The following THADA variants were observed in gnomAD, a reference collection of about 807,000 sequenced individuals.
The protein encoded by THADA is tRNA (32-2'-O)-methyltransferase regulator THADA.
Under a neutral mutation model 219.8 loss-of-function variants are expected in THADA, and 213 were observed. That is an observed-to-expected ratio of 0.97 (90% CI 0.87 to 1.09). The LOEUF (loss-of-function observed/expected upper bound fraction) is 1.09. THADA is among the 50% of genes least tolerant of loss of function. THADA has a pLI of 0.00. For synonymous variants in THADA, 1,018 were observed against 828.9 expected (o/e 1.23, Z -3.92); for missense variants, 2,956 against 2,311.3 (o/e 1.28, Z -5.72).
At position 43,302,330 on chromosome 2, in the gene THADA, G is replaced by A. The variant is rs1676358967; in HGVS notation, c.4439-9117C>T. On this transcript the variant is annotated intron_variant, in intron 31 of 37. Transcript: ENST00000405975. ...ATTTTTTTCTAACTCTTCCTGGCTG[G>A]AGCTTTTTTCAGCCCTCCTTGTTTG... Among the ~76,000 whole-genome samples the A allele has an allele frequency of 2.6e-5, 4 of 152,156 alleles. No individual in the cohort carries two copies. In the South Asian group the frequency reaches 8.3e-4, roughly 32 times the overall value.
intron 26 of THADA, among the ~76,000 whole-genome samples, chr2:43,465,104 C>T (rs1684085252): frequency 6.6e-6 from 1 of 152,108 alleles, no homozygotes; most frequent in Non-Finnish European, 1.5e-5. Context: ...TTGGCAGTTT[C>T]ACATACCTTC....
intron 22 of THADA, among the ~76,000 whole-genome samples, chr2:43,525,802 A>G (rs76422865): frequency 0.011 from 1,707 of 152,278 alleles, 38 homozygotes; most frequent in African/African-American, 0.039. Context: ...TCATGTGAGG[A>G]GTTGTTACTA....
chr2:43,442,550 G>A (rs936614435), intron 26 of THADA, among the ~76,000 whole-genome samples: 3 of 152,204 alleles, frequency 2.0e-5, no homozygotes, highest in South Asian at 2.1e-4. Flanking sequence ...TAAGCTGACT[G>A]GATGACAAGA....
intron 8 of THADA, among the ~76,000 whole-genome samples, chr2:43,580,799 G>C (rs534068225): frequency 4.6e-5 from 7 of 151,934 alleles, no homozygotes; most frequent in Admixed American, 1.3e-4. Flanking sequence ...AAAATCGCTT[G>C]AATCTGGGAG....
chr2:43,429,881 C>T (rs988573518), intron 27 of THADA, among the ~76,000 whole-genome samples: 3 of 150,256 alleles, frequency 2.0e-5, no homozygotes, highest in Admixed American at 1.3e-4. Flanking sequence ...TGCAAGGAAG[C>T]AGTCTGACCG....
At chr2:43,461,472 C>A (rs1015098205) in intron 26 of THADA, among the ~76,000 whole-genome samples, 4 of 152,192 alleles carry the variant, frequency 2.6e-5, no homozygotes, top group African/African-American at 7.2e-5. Context: ...CTCCCCCAAA[C>A]CTGACTAGGG....
intron 29 of THADA, among the ~76,000 whole-genome samples, chr2:43,396,555 C>G (rs1674064599): frequency 6.6e-6 from 1 of 152,238 alleles, no homozygotes; most frequent in South Asian, 2.1e-4. Flanking sequence ...AATCCCAGCA[C>G]TTTGGGAGGC....
intron 35 of THADA, among the ~76,000 whole-genome samples, chr2:43,285,723 G>T (rs1229322839): frequency 6.6e-6 from 1 of 151,992 alleles, no homozygotes; most frequent in Non-Finnish European, 1.5e-5. Flanking sequence ...GCTAATTTTT[G>T]TATTTTTAGT....
At chr2:43,416,396 G>A (rs1676973004) in intron 28 of THADA, among the ~76,000 whole-genome samples, 3 of 152,142 alleles carry the variant, frequency 2.0e-5, no homozygotes, top group Admixed American at 2.0e-4. Context: ...AAGGGAGCAG[G>A]CTTATTTACA....
At chr2:43,285,996 T>C (rs1296026190) in intron 35 of THADA, among the ~76,000 whole-genome samples, 3 of 152,188 alleles carry the variant, frequency 2.0e-5, no homozygotes, top group East Asian at 3.8e-4. Flanking sequence ...TCAACCTCAA[T>C]ACCACCAAGT....
At chr2:43,595,181 C>A (rs777416941) in intron 1 of THADA, among the ~76,000 whole-genome samples, 4 of 152,332 alleles carry the variant, frequency 2.6e-5, no homozygotes, top group African/African-American at 4.8e-5. Context: ...GGTGGACTAT[C>A]TGGTACCTAA....
rs567577701 is a variant in THADA at position 43,300,181 on chromosome 2, G to C, written c.4439-6968C>G. Reference sequence around the variant, plus strand: ...TTTGAGACAGAGTCTCTGTCACCCAGGCTGAGTGCAGTGGCACCATCTCGG... The same window carrying C: ...TTTGAGACAGAGTCTCTGTCACCCACGCTGAGTGCAGTGGCACCATCTCGG... On this transcript the variant is annotated intron_variant, in intron 31 of 37. Coordinates refer to ENST00000405975, the MANE Select transcript of THADA (RefSeq NM_022065.5). Among the ~76,000 whole-genome samples, 240 of 151,938 alleles carry C rather than the reference G, an allele frequency of 1.6e-3. 1 individual carries two copies. Among genetic ancestry groups the C allele is most frequent in the Non-Finnish European group, 2.2e-3 (152 of 67,948 alleles).
chr2:43,528,043 A>G, intron 21 of THADA, 55 bp from the exon 22 acceptor site: 2 of 1,272,444 alleles, frequency 1.6e-6, no homozygotes, highest in Non-Finnish European at 2.2e-6. Flanking sequence ...TCGCAAGTGT[A>G]TTTATATCAG....
chr2:43,279,861 G>A lies in THADA; in HGVS notation c.5200C>T (p.Leu1734Phe), dbSNP rs781216564. 9 of 1,568,310 alleles carry A rather than the reference G, an allele frequency of 5.7e-6. No individual in the cohort carries two copies. The highest frequency in any genetic ancestry group is 5.2e-6 in the Non-Finnish European group (6 of 1,158,490). ...QDTLALWKCV[L>F]TLLQSEEQAV... is the part of the protein sequence containing the mutation. ...TGCTCCTCACTCTGCAGAAGGGTAA[G>A]GACACACTTCCAGAGAGCAAGTGTA... is the stretch of plus-strand genomic sequence containing the variant. The change falls in exon 36 of 38, where the codon CTT (leucine) becomes TTT (phenylalanine). Residue 1734 changes from leucine to phenylalanine, a missense_variant. By Grantham distance (22) the Leu-to-Phe change is conservative. Transcript: ENST00000405975.
intron 29 of THADA, among the ~76,000 whole-genome samples, chr2:43,385,010 G>A (rs1672469986): frequency 6.6e-6 from 1 of 152,038 alleles, no homozygotes; most frequent in African/African-American, 2.4e-5. Flanking sequence ...GTGTGGTGGT[G>A]CACGCCTGTA....
At chr2:43,539,782 C>G (rs1695066620) in intron 21 of THADA, among the ~76,000 whole-genome samples, 1 of 151,896 alleles carries the variant, frequency 6.6e-6, no homozygotes, top group African/African-American at 2.4e-5. Flanking sequence ...TTTATAAGAA[C>G]CTGTCTTTTT....
At chr2:43,447,408 G>A (rs1681718739) in intron 26 of THADA, among the ~76,000 whole-genome samples, 2 of 152,018 alleles carry the variant, frequency 1.3e-5, no homozygotes, top group South Asian at 4.2e-4. Flanking sequence ...TTTCATTAGG[G>A]CCCACCCAGC....
At chr2:43,578,444 G>T (rs1288369515) in intron 9 of THADA, 69 bp downstream of exon 9, 3 of 1,326,344 alleles carry the variant, frequency 2.3e-6, no homozygotes, top group African/African-American at 1.5e-5. Context: ...ACTGCACCAA[G>T]CCAAAATTAT....
At chr2:43,515,036 ATAAATATAT>A (rs1691213122) in intron 22 of THADA, among the ~76,000 whole-genome samples, 1 of 39,390 alleles carries the variant, frequency 2.5e-5, no homozygotes, top group African/African-American at 1.0e-4. Flanking sequence ...TATAATATAT[ATAAATATAT>A]ATATTTTATA....
Sources: allele counts gnomAD v4.1 joint callset (sites outside exome capture counted in the v4.1 genomes callset), GRCh38; gene constraint gnomAD v4.1.1; transcripts MANE v1.5; gene names NCBI Gene and HGNC (gene_info 2026-07-23, HGNC 2026-07-21).